SH3BP4: variants seen among roughly 807,000 people sequenced by gnomAD.
SH3BP4 encodes SH3 domain-binding protein 4.
A neutral mutation model predicts 65.5 loss-of-function variants in SH3BP4; 33 were observed. The ratio of observed to expected loss-of-function variants is 0.50; its 90% CI spans 0.38 to 0.67. The LOEUF is 0.67. Ranked by LOEUF, SH3BP4 falls within the 30% of genes least tolerant of loss-of-function variation. The pLI is 0.00. For synonymous variants in SH3BP4, 552 were observed against 545.5 expected, an observed-to-expected ratio of 1.01 and a Z score of -0.17; for missense variants, 1,134 against 1,261.4, an observed-to-expected ratio of 0.90 and a Z score of 1.53.
In SH3BP4 at chr2:234,958,769, C is replaced by T. The variant is rs61190069; in HGVS notation, c.-207+6599C>T. Among the ~76,000 whole-genome samples, 1,512 of 152,054 alleles carry T rather than the reference C, an allele frequency of 9.9e-3. 21 individuals are homozygous for T. The highest frequency in any genetic ancestry group is 0.035 in the African/African-American group (1,450 of 41,452). On this transcript the variant is annotated intron_variant, in intron 1 of 5. Coordinates refer to ENST00000392011, the MANE Select transcript of SH3BP4 (RefSeq NM_014521.3). The stretch of plus-strand genomic sequence containing the variant: ...CTATCATGTGCGGAGGATTTATGAA[C>T]GGGAGGACTGGAACCCTGTCACTGT...
chr2:235,038,494 T>C (rs751883105), intron 3 of SH3BP4, among the ~76,000 whole-genome samples: 1 of 141,752 alleles, frequency 7.1e-6, no homozygotes, highest in African/African-American at 2.6e-5. Flanking sequence ...GAGAAAAGCA[T>C]GCAAACTTAC....
Position 235,035,720 on chromosome 2 carries a change from T to C in SH3BP4, c.118+600T>C, listed in dbSNP as rs572303677. Among the ~76,000 whole-genome samples the C allele has an allele frequency of 4.6e-5, 7 of 152,366 alleles. No individual in the cohort carries two copies. The highest frequency in any genetic ancestry group is 1.4e-4 in the African/African-American group (6 of 41,580). On this transcript the variant is annotated intron_variant, in intron 3 of 5. Transcript: ENST00000392011. This position sits in a 1 kb window ranked among gnomAD's most constrained non-coding sequence, Gnocchi z 5.0. ...TGATCTAGAAGGTGGTTCTAAAGTT[T>C]AATAACCCTGGGTCTCTGGGTTTCT... is the stretch of plus-strand genomic sequence containing the variant.
intron 2 of SH3BP4, among the ~76,000 whole-genome samples, chr2:235,025,504 C>T (rs78250358): frequency 0.021 from 3,189 of 152,266 alleles, 118 homozygotes; most frequent in African/African-American, 0.072. Flanking sequence ...AATGTCTGAG[C>T]GCAACAGTCA....
chr2:235,034,065 C>T lies in SH3BP4; in HGVS notation c.-132-806C>T, dbSNP rs1002558373. On this transcript the variant is annotated intron_variant, in intron 2 of 5. Transcript: ENST00000392011. This position sits in a 1 kb window ranked among gnomAD's most constrained non-coding sequence, Gnocchi z 6.2. ...AATCGGCTCGCTGCTGTTCCTGTCC[C>T]TTCTCCCTGGACCCTGCTGAAGGGC... 1.3e-5 allele frequency among the ~76,000 whole-genome samples: 2 copies of T among 152,110 alleles called. No individual in the cohort carries two copies. The highest frequency in any genetic ancestry group is 2.9e-5 in the Non-Finnish European group (2 of 68,008).
intron 2 of SH3BP4, among the ~76,000 whole-genome samples, chr2:235,011,158 AGGAGAACCC>A (rs1694488959): frequency 1.2e-5 from 1 of 86,498 alleles, no homozygotes; most frequent in Middle Eastern, 6.0e-3. Flanking sequence ...TCCCTCTCCT[AGGAGAACCC>A]TTCCTCCCTC....
intron 2 of SH3BP4, among the ~76,000 whole-genome samples, chr2:235,017,445 C>CAAA (rs556712981): frequency 2.8e-4 from 21 of 75,014 alleles, no homozygotes; most frequent in Middle Eastern, 7.8e-3. Flanking sequence ...GACTCAGTCT[C>CAAA]AAAAAAAAAA....
rs1400280071 is a variant in SH3BP4 at position 235,046,960 on chromosome 2, A to C, written c.2478+3713A>C. 6.6e-6 allele frequency among the ~76,000 whole-genome samples: 1 copy of C among 152,110 alleles called. No individual in the cohort carries two copies. The highest frequency in any genetic ancestry group is 2.4e-5 in the African/African-American group (1 of 41,424). On this transcript the variant is annotated intron_variant, in intron 4 of 5. Transcript: ENST00000392011. The surrounding 1 kb of genome is among the most constrained non-coding windows in gnomAD (Gnocchi z 4.2). ...GCAGCATGGCTGTGGCTGCACTCAG[A>C]GCACCCCTCTGTCCTGGCCACTTCT...
chr2:234,957,811 T>A (rs1295370888), intron 1 of SH3BP4, among the ~76,000 whole-genome samples: 1 of 151,976 alleles, frequency 6.6e-6, no homozygotes, highest in Non-Finnish European at 1.5e-5. Flanking sequence ...GGGCAGGGCG[T>A]GGCAGACCCT....
intron 1 of SH3BP4, among the ~76,000 whole-genome samples, chr2:234,988,392 C>T (rs1399265592): frequency 6.6e-6 from 1 of 152,156 alleles, no homozygotes; most frequent in African/African-American, 2.4e-5. Flanking sequence ...TCACCTTTAG[C>T]GAGTCTTTCT....
chr2:234,992,570 C>G (rs888727498), intron 1 of SH3BP4, among the ~76,000 whole-genome samples: 4 of 148,972 alleles, frequency 2.7e-5, no homozygotes, highest in African/African-American at 9.8e-5. Flanking sequence ...TGCTGCGTGT[C>G]TCTGGGTCTG....
chr2:234,978,481 C>T lies in SH3BP4; in HGVS notation c.-206-16822C>T, dbSNP rs1457333795. ...CCCAAGGCCCCACTGGTCATCCGTCCAGCACTCTGTGCTCGCTGACTGGTG... is the reference window on the plus strand; with the variant it reads ...CCCAAGGCCCCACTGGTCATCCGTCTAGCACTCTGTGCTCGCTGACTGGTG... On this transcript the variant is annotated intron_variant, in intron 1 of 5. Coordinates refer to ENST00000392011, the MANE Select transcript of SH3BP4 (RefSeq NM_014521.3). This position sits in a 1 kb window ranked among gnomAD's most constrained non-coding sequence, Gnocchi z 4.1. 7.2e-5 allele frequency among the ~76,000 whole-genome samples: 11 copies of T among 152,218 alleles called. No homozygotes were observed. Among genetic ancestry groups the T allele is most frequent in the Admixed American group, 7.2e-4 (11 of 15,274 alleles).
chr2:235,024,362 T>C (rs1694932812), intron 2 of SH3BP4, among the ~76,000 whole-genome samples: 3 of 152,332 alleles, frequency 2.0e-5, no homozygotes, highest in South Asian at 2.1e-4. Context: ...TTGGCGCTTT[T>C]TCAGCAGATC....
At chr2:234,963,400 CGTT>C (rs1415675156) in intron 1 of SH3BP4, among the ~76,000 whole-genome samples, 8 of 152,172 alleles carry the variant, frequency 5.3e-5, no homozygotes, top group Non-Finnish European at 1.0e-4. Context: ...AAGGGAGTGA[CGTT>C]GGGAAGAGTT....
chr2:235,012,157 C>T (rs1444203390), intron 2 of SH3BP4, among the ~76,000 whole-genome samples: 1 of 152,204 alleles, frequency 6.6e-6, no homozygotes, highest in Admixed American at 6.5e-5. Flanking sequence ...CTGACAGTGG[C>T]TCAGGGTACT....
intron 2 of SH3BP4, among the ~76,000 whole-genome samples, chr2:235,027,658 T>G (rs1695043624): frequency 6.6e-6 from 1 of 152,154 alleles, no homozygotes; most frequent in Non-Finnish European, 1.5e-5. Flanking sequence ...AATGAGTCAT[T>G]CTAAACAGGG....
intron 2 of SH3BP4, among the ~76,000 whole-genome samples, chr2:235,012,435 A>G (rs1346320395): frequency 6.6e-6 from 1 of 152,236 alleles, no homozygotes; most frequent in Non-Finnish European, 1.5e-5. Context: ...TTGTCTGCCA[A>G]GTTTTCTTCC....
At chr2:235,004,035 G>A (rs372110146) in intron 2 of SH3BP4, among the ~76,000 whole-genome samples, 51 of 152,310 alleles carry the variant, frequency 3.3e-4, no homozygotes, top group African/African-American at 9.4e-4. Flanking sequence ...GCTGTCACTC[G>A]GTGAAGTTTG....
At chr2:235,039,861 T>G (rs990153384) in intron 3 of SH3BP4, among the ~76,000 whole-genome samples, 4 of 152,256 alleles carry the variant, frequency 2.6e-5, no homozygotes, top group Non-Finnish European at 5.9e-5. Flanking sequence ...AATGATAGTA[T>G]GAGCTATGAC....
At position 235,052,932 on chromosome 2, in the gene SH3BP4, T is replaced by C. The variant is rs1696108454; in HGVS notation, c.2667+182T>C. Among the ~76,000 whole-genome samples the C allele has an allele frequency of 6.6e-6, 1 of 152,170 alleles. No individual in the cohort carries two copies. Among genetic ancestry groups the C allele is most frequent in the Non-Finnish European group, 1.5e-5 (1 of 68,026 alleles). ...CACTGAGTGGGAGCCATCCTCCGGA[T>C]TGGTTGTCGTGAGCCCTGGCTTTAG... On this transcript the variant is annotated intron_variant, in intron 5 of 5. Coordinates refer to ENST00000392011, the MANE Select transcript of SH3BP4 (RefSeq NM_014521.3). This position sits in a 1 kb window ranked among gnomAD's most constrained non-coding sequence, Gnocchi z 5.0.
Sources: allele counts gnomAD v4.1 joint callset (sites outside exome capture counted in the v4.1 genomes callset), GRCh38; gene constraint gnomAD v4.1.1; non-coding constraint Gnocchi (gnomAD v3.1); transcripts MANE v1.5; gene names NCBI Gene and HGNC (gene_info 2026-07-23, HGNC 2026-07-21).